The following PTPRD variants were observed in gnomAD, a reference collection of about 807,000 sequenced individuals.
PTPRD encodes protein tyrosine phosphatase receptor type D.
In PTPRD, 34 loss-of-function variants were observed where a neutral mutation model predicts 214.5. The observed-to-expected ratio is 0.16, with a 90% CI of 0.12 to 0.21. The LOEUF (loss-of-function observed/expected upper bound fraction) is 0.21. PTPRD is among the 10% of genes least tolerant of loss of function. PTPRD has a pLI of 1.00. For missense variants in PTPRD, 2,545 were observed against 2,398.7 expected (o/e 1.06, Z -1.27); for synonymous variants, 1,128 against 845.7 (o/e 1.33, Z -5.79).
At chr9:8,671,223 A>G (rs1306649643) in intron 12 of PTPRD, among the ~76,000 whole-genome samples, 4 of 152,220 alleles carry the variant, frequency 2.6e-5, no homozygotes, top group African/African-American at 9.6e-5. Context: ...AAATGATGCG[A>G]TACTTCTCAT....
intron 8 of PTPRD, among the ~76,000 whole-genome samples, chr9:9,425,750 A>G (rs1327428388): frequency 3.3e-5 from 5 of 152,164 alleles, no homozygotes; most frequent in African/African-American, 4.8e-5. Context: ...TACAGATTCA[A>G]TTACATTTGG....
chr9:9,816,011 C>T (rs955443754), intron 5 of PTPRD, among the ~76,000 whole-genome samples: 8 of 152,122 alleles, frequency 5.3e-5, no homozygotes, highest in Non-Finnish European at 1.2e-4. Context: ...AAGAAAGGGA[C>T]ATGCAGGTGT....
At chr9:10,403,017 T>C (rs1027155874) in intron 2 of PTPRD, among the ~76,000 whole-genome samples, 2 of 151,294 alleles carry the variant, frequency 1.3e-5, no homozygotes. Flanking sequence ...GGTAGGTAAC[T>C]CAATTCTCAG....
intron 5 of PTPRD, among the ~76,000 whole-genome samples, chr9:9,850,205 G>T (rs989287553): frequency 2.0e-5 from 3 of 152,072 alleles, no homozygotes; most frequent in Non-Finnish European, 4.4e-5. Flanking sequence ...CTTTCTTTTT[G>T]AATACTGAAA....
At position 8,359,345 on chromosome 9, in the gene PTPRD, G is replaced by C. The variant is rs143132280; in HGVS notation, c.4661+16591C>G. On this transcript the variant is annotated intron_variant, in intron 39 of 45. Transcript: ENST00000381196. ...AATTTTATTATTTCATTATTTTTGAGACTGAGCCTCGCTCTGTTGCCCAGG... is the reference window on the plus strand; with the variant it reads ...AATTTTATTATTTCATTATTTTTGACACTGAGCCTCGCTCTGTTGCCCAGG... Among the ~76,000 whole-genome samples, 660 of 151,856 alleles carry C rather than the reference G, an allele frequency of 4.3e-3. 5 individuals carry two copies. Among genetic ancestry groups the C allele is most frequent in the African/African-American group, 0.014 (570 of 41,386 alleles).
chr9:8,551,562 A>AT (rs60059948), intron 14 of PTPRD, among the ~76,000 whole-genome samples: 1 of 152,074 alleles, frequency 6.6e-6, no homozygotes, highest in East Asian at 1.9e-4. Context: ...GAGTGATACA[A>AT]TTTTTCAGGA....
At chr9:9,402,457 G>T (rs1272526561) in intron 8 of PTPRD, among the ~76,000 whole-genome samples, 1 of 152,048 alleles carries the variant, frequency 6.6e-6, no homozygotes, top group Non-Finnish European at 1.5e-5. Context: ...TTCCTGTGTT[G>T]TTACCTCATA....
chr9:10,367,033 G>A (rs1460802518), intron 2 of PTPRD, among the ~76,000 whole-genome samples: 1 of 148,528 alleles, frequency 6.7e-6, no homozygotes, highest in Non-Finnish European at 1.5e-5. Flanking sequence ...GTACTTTTCT[G>A]TATACATAGT....
At chr9:10,186,119 T>C (rs2099329174) in intron 3 of PTPRD, among the ~76,000 whole-genome samples, 1 of 151,942 alleles carries the variant, frequency 6.6e-6, no homozygotes, top group Non-Finnish European at 1.5e-5. Flanking sequence ...AGTATGAAAG[T>C]AGAGGACTCA....
In PTPRD at chr9:8,389,213, G is replaced by T; in HGVS notation, c.4386+19C>A. 1.9e-6 allele frequency: 3 copies of T among 1,590,658 alleles called. No homozygotes were observed. Among genetic ancestry groups the T allele is most frequent in the Non-Finnish European group, 2.6e-6 (3 of 1,169,544 alleles). ...GAGGGAAAATTTTTAAAAGGAAAGA[G>T]GTGGATACTTATTCTTACCCTTGAT... is the stretch of plus-strand genomic sequence containing the variant. On this transcript the variant is annotated intron_variant, in intron 37 of 45. Transcript: ENST00000381196.
chr9:10,140,464 T>C (rs4008064), intron 3 of PTPRD, among the ~76,000 whole-genome samples: 37,780 of 151,198 alleles, frequency 0.25, 4,919 homozygotes, highest in South Asian at 0.41. Flanking sequence ...GAGAATAGTA[T>C]AAACACCTCT....
intron 3 of PTPRD, among the ~76,000 whole-genome samples, chr9:10,326,970 A>T (rs919645464): frequency 6.6e-6 from 1 of 151,504 alleles, no homozygotes; most frequent in Non-Finnish European, 1.5e-5. Flanking sequence ...GATAGGAAAC[A>T]TCTGCACATC....
intron 34 of PTPRD, among the ~76,000 whole-genome samples, chr9:8,442,773 A>C (rs1442250748): frequency 6.6e-6 from 1 of 152,216 alleles, no homozygotes; most frequent in African/African-American, 2.4e-5. Flanking sequence ...ATTAAAGATA[A>C]AGAGAATATT....
chr9:9,909,276 T>C lies in PTPRD; in HGVS notation c.-368+29231A>G, dbSNP rs78055318. On this transcript the variant is annotated intron_variant, in intron 5 of 45. Coordinates refer to ENST00000381196, the MANE Select transcript of PTPRD (RefSeq NM_002839.4). ...ATAATATTGCTATGGATGAATAGCA[T>C]GCTGATGAATGGGATTTTAGGTTGA... Among the ~76,000 whole-genome samples, 1,277 of 151,836 alleles carry C rather than the reference T, an allele frequency of 8.4e-3. 20 individuals carry two copies. Among genetic ancestry groups the C allele is most frequent in the African/African-American group, 0.029 (1,222 of 41,468 alleles).
chr9:8,894,223 T>C (rs1225497496), intron 11 of PTPRD, among the ~76,000 whole-genome samples: 2 of 151,670 alleles, frequency 1.3e-5, no homozygotes, highest in Non-Finnish European at 1.5e-5. Context: ...GGTGTGGTAA[T>C]GCGTGCCTGT....
At chr9:9,020,365 T>C (rs1465830625) in intron 10 of PTPRD, among the ~76,000 whole-genome samples, 1 of 152,126 alleles carries the variant, frequency 6.6e-6, no homozygotes, top group Admixed American at 6.6e-5. Flanking sequence ...GATGACTAGA[T>C]GGAGGAGACA....
intron 8 of PTPRD, among the ~76,000 whole-genome samples, chr9:9,556,700 C>A (rs1326443576): frequency 6.6e-6 from 1 of 152,076 alleles, no homozygotes; most frequent in Non-Finnish European, 1.5e-5. Context: ...TAACACAACC[C>A]AAATCCTTCA....
intron 2 of PTPRD, among the ~76,000 whole-genome samples, chr9:10,560,873 T>A (rs1325509076): frequency 6.6e-6 from 1 of 152,196 alleles, no homozygotes; most frequent in Non-Finnish European, 1.5e-5. Flanking sequence ...ATATAGAGCC[T>A]GTCCATCACT....
At chr9:9,719,086 G>A (rs1383277800) in intron 7 of PTPRD, among the ~76,000 whole-genome samples, 2 of 152,118 alleles carry the variant, frequency 1.3e-5, no homozygotes, top group Non-Finnish European at 2.9e-5. Flanking sequence ...GCTTTTTCCA[G>A]GCCTGTCCAT....
Sources: allele counts gnomAD v4.1 joint callset (sites outside exome capture counted in the v4.1 genomes callset), GRCh38; gene constraint gnomAD v4.1.1; transcripts MANE v1.5; gene names NCBI Gene and HGNC (gene_info 2026-07-23, HGNC 2026-07-21).